Variants in ZNF536 observed in about 807,000 individuals in gnomAD.
ZNF536 encodes zinc finger protein 536.
Under a neutral mutation model 84.5 loss-of-function variants are expected in ZNF536, and 13 were observed. That is an observed-to-expected ratio of 0.15 (90% CI 0.10 to 0.24). ZNF536 has a LOEUF of 0.24. Among genes scored for constraint, ZNF536 ranks in the 10% least tolerant of loss-of-function variants. The pLI, the probability that ZNF536 is intolerant of heterozygous loss-of-function variation, is 1.00. For synonymous variants in ZNF536, 811 were observed against 742.5 expected (o/e 1.09, Z -1.50); for missense variants, 1,536 against 1,747.5 (o/e 0.88, Z 2.16).
chr19:30,258,508 C>T (rs1019894653), intron 1 of ZNF536, among the ~76,000 whole-genome samples: 10 of 152,104 alleles, frequency 6.6e-5, no homozygotes, highest in Admixed American at 6.5e-5. Flanking sequence ...GGCATAGAAA[C>T]GGAAAGTACA....
intron 2 of ZNF536, among the ~76,000 whole-genome samples, chr19:30,451,197 C>A (rs964914900): frequency 6.6e-6 from 1 of 152,264 alleles, no homozygotes; most frequent in Admixed American, 6.5e-5. Flanking sequence ...CCCGTGTCTT[C>A]CCCTGGCGGC....
At chr19:30,625,733 C>CTGGA (rs1159093966) in intron 1 of ZNF536, among the ~76,000 whole-genome samples, 1 of 152,182 alleles carries the variant, frequency 6.6e-6, no homozygotes, top group Non-Finnish European at 1.5e-5. Context: ...AAACAGTAAC[C>CTGGA]TGGATACACC....
intron 2 of ZNF536, among the ~76,000 whole-genome samples, chr19:30,447,187 T>C (rs965668213): frequency 6.6e-6 from 1 of 152,140 alleles, no homozygotes; most frequent in Non-Finnish European, 1.5e-5. Flanking sequence ...AAAAGTTTTT[T>C]CTTCTTTCTT....
At chr19:30,706,027 G>T (rs2052212615) in intron 1 of ZNF536, among the ~76,000 whole-genome samples, 1 of 152,162 alleles carries the variant, frequency 6.6e-6, no homozygotes, top group Non-Finnish European at 1.5e-5. Flanking sequence ...AAATCAAAAA[G>T]GCTTTCATTG....
At chr19:30,324,893 C>A (rs2046973131) in intron 2 of ZNF536, among the ~76,000 whole-genome samples, 1 of 152,212 alleles carries the variant, frequency 6.6e-6, no homozygotes, top group African/African-American at 2.4e-5. Flanking sequence ...GCTGGCTCTC[C>A]CTAGGGCACT....
intron 1 of ZNF536, among the ~76,000 whole-genome samples, chr19:30,585,732 C>T (rs774556036): frequency 6.6e-6 from 1 of 152,254 alleles, no homozygotes; most frequent in East Asian, 1.9e-4. Flanking sequence ...CTGCATCTTC[C>T]CATCTCCCCT....
downstream of ZNF536, among the ~76,000 whole-genome samples, chr19:30,561,746 C>G (rs1361037998): frequency 6.6e-6 from 1 of 152,178 alleles, no homozygotes. Context: ...CCTCTCCCAG[C>G]AGCTGAGGGT....
At chr19:30,345,328 A>G (rs1435854076) in intron 2 of ZNF536, among the ~76,000 whole-genome samples, 1 of 152,302 alleles carries the variant, frequency 6.6e-6, no homozygotes, top group Middle Eastern at 3.4e-3. Flanking sequence ...AGAGCTGAGC[A>G]TTTTCCTCTT....
At chr19:30,530,331 TTTGTTGTTGTTG>T (rs140017176) in intron 2 of ZNF536, among the ~76,000 whole-genome samples, 17 of 151,422 alleles carry the variant, frequency 1.1e-4, no homozygotes, top group Admixed American at 4.6e-4. Context: ...TCTCTGTCTT[TTTGTTGTTGTTG>T]TTGTTGTTGT....
chr19:30,385,812 C>T (rs926377236), intron 1 of ZNF536, among the ~76,000 whole-genome samples: 3 of 152,282 alleles, frequency 2.0e-5, no homozygotes, highest in Admixed American at 1.3e-4. Flanking sequence ...TCTGCATGTG[C>T]GCACTGCCTG....
At position 30,549,005 on chromosome 19, in the gene ZNF536, C is replaced by T. The variant is rs2045669272; in HGVS notation, c.3386C>T (p.Ser1129Phe). The T allele has an allele frequency of 1.1e-5, 18 of 1,614,036 alleles. No homozygotes were observed. Among genetic ancestry groups the T allele is most frequent in the Non-Finnish European group, 1.5e-5 (18 of 1,180,036 alleles). Residue 1129 changes from serine (S) to phenylalanine (F), a missense_variant, in exon 4 of 5, where the codon TCC (serine) becomes TTC (phenylalanine). Coordinates refer to ENST00000355537, the MANE Select transcript of ZNF536 (RefSeq NM_014717.3). ...PGMVGSGASS[S>F]CPNKEPDGKA... is the part of the protein sequence containing the mutation. Reference sequence around the variant, plus strand: ...ATGGTTGGCTCAGGGGCCTCCAGTTCCTGCCCCAACAAGGAGCCTGATGGA... The same window carrying T: ...ATGGTTGGCTCAGGGGCCTCCAGTTTCTGCCCCAACAAGGAGCCTGATGGA...
chr19:30,230,477 G>A (rs373359185), intron 1 of ZNF536, among the ~76,000 whole-genome samples: 72 of 152,264 alleles, frequency 4.7e-4, no homozygotes, highest in African/African-American at 1.3e-3. Context: ...GGAGATCTTC[G>A]CAACTCAGCA....
At chr19:30,357,881 T>A (rs916229679) in intron 3 of ZNF536, among the ~76,000 whole-genome samples, 1 of 152,122 alleles carries the variant, frequency 6.6e-6, no homozygotes, top group Non-Finnish European at 1.5e-5. Context: ...CAACTATTGC[T>A]CACCTCTTCC....
At chr19:30,325,421 G>A (rs920755974) in intron 2 of ZNF536, among the ~76,000 whole-genome samples, 18 of 152,186 alleles carry the variant, frequency 1.2e-4, no homozygotes, top group Admixed American at 5.2e-4. Context: ...CCTTTTGGTG[G>A]TGGGCTTCTC....
chr19:30,652,946 C>G (rs530530304), intron 1 of ZNF536, among the ~76,000 whole-genome samples: 6 of 152,292 alleles, frequency 3.9e-5, no homozygotes, highest in African/African-American at 1.4e-4. Flanking sequence ...AGGCGGGGAA[C>G]CCAGTGACAG....
chr19:30,302,899 G>A (rs186901335), intron 2 of ZNF536, among the ~76,000 whole-genome samples: 8 of 152,258 alleles, frequency 5.3e-5, no homozygotes, highest in Non-Finnish European at 1.0e-4. Context: ...CAGACTGGTG[G>A]TGGCCTTACG....
intron 3 of ZNF536, among the ~76,000 whole-genome samples, chr19:30,355,597 C>A (rs578102565): frequency 3.9e-5 from 6 of 152,076 alleles, no homozygotes; most frequent in African/African-American, 1.4e-4. Context: ...GCCATTTTTC[C>A]CAGGCTGGTC....
chr19:30,411,647 G>C (rs2050499588), intron 1 of ZNF536, among the ~76,000 whole-genome samples: 3 of 152,002 alleles, frequency 2.0e-5, no homozygotes, highest in Non-Finnish European at 4.4e-5. Context: ...CTCTCTACCT[G>C]GTTCATTGAC....
chr19:30,555,976 G>A (rs1041683725), intron 4 of ZNF536: 2 of 152,222 alleles, frequency 1.3e-5, no homozygotes, highest in African/African-American at 4.8e-5. Context: ...AGATCTTTTT[G>A]TCTCTGTTGC....
Sources: gnomAD v4.1 joint callset for allele counts (sites outside exome capture counted in the v4.1 genomes callset) on GRCh38, gnomAD v4.1.1 for gene constraint, MANE v1.5 for transcripts, NCBI Gene and HGNC (gene_info 2026-07-23, HGNC 2026-07-21) for gene names.